The following TARBP2 variants were observed in gnomAD, a reference collection of about 807,000 sequenced individuals.
TARBP2 encodes the protein RISC-loading complex subunit TARBP2.
Under a neutral mutation model 40.4 loss-of-function variants are expected in TARBP2, and 23 were observed. The ratio of observed to expected loss-of-function variants is 0.57; its 90% CI spans 0.41 to 0.81. TARBP2 has a LOEUF of 0.81. TARBP2 is among the 30% of genes least tolerant of loss of function. The pLI is 0.00. For missense variants in TARBP2, 358 were observed against 473.7 expected (o/e 0.76, Z 2.27); for synonymous variants, 183 against 190.5 (o/e 0.96, Z 0.32).
At position 53,502,038 on chromosome 12, in the gene TARBP2, A is replaced by G; in HGVS notation, c.77A>G (p.Asn26Ser). The change falls in exon 2 of 9, where the codon AAC (asparagine) becomes AGC (serine). Residue 26 changes from asparagine to serine, a missense_variant. By Grantham distance (46) the Asn-to-Ser change is conservative. Transcript: ENST00000266987. ...LPSIEQMLAA[N>S]PGKTPISLLQ... ...AGTATAGAGCAAATGCTGGCCGCCA[A>G]CCCAGGCAAGACCCCGATCAGCCTT... 1 of 1,614,184 alleles carries G rather than the reference A, an allele frequency of 6.2e-7. No individual in the cohort carries two copies. Among genetic ancestry groups the G allele is most frequent in the African/African-American group, 1.3e-5 (1 of 75,042 alleles).
Position 53,505,960 on chromosome 12 carries a change from C to G in TARBP2, c.944-31C>G. On this transcript the variant is annotated intron_variant, in intron 8 of 8. Transcript: ENST00000266987. This position sits in a 1 kb window ranked among gnomAD's most constrained non-coding sequence, Gnocchi z 4.5. ...CCCTCCCCAGGGCTACCTCCCCCAA[C>G]ATTGCCTCCCTCCTCTCTCTTGCTC... 1 of 1,607,520 alleles carries G rather than the reference C, an allele frequency of 6.2e-7. No homozygotes were observed. The highest frequency in any genetic ancestry group is 1.7e-5 in the Admixed American group (1 of 59,868).
chr12:53,501,392 C>G lies in TARBP2; in HGVS notation c.-17C>G. On this transcript the variant is annotated 5_prime_UTR_variant, in exon 1 of 9. Transcript: ENST00000266987. The stretch of plus-strand genomic sequence containing the variant: ...GAGGCTGCAGTCACGGTGGCGCCCG[C>G]GGGGACGGAGGAGGGAATGAGTGAA... 6.4e-7 allele frequency: 1 copy of G among 1,558,650 alleles called. No individual in the cohort carries two copies. The highest frequency in any genetic ancestry group is 8.7e-7 in the Non-Finnish European group (1 of 1,151,202).
rs749572733 is a variant in TARBP2, at chr12:53,501,428, G to T, written c.20G>T (p.Gly7Val). 1.9e-6 allele frequency: 3 copies of T among 1,568,398 alleles called. No homozygotes were observed. The highest frequency in any genetic ancestry group is 2.6e-6 in the Non-Finnish European group (3 of 1,156,558). MSEEEQ[G>V]SGTTTGCGLP... ...GAGGGAATGAGTGAAGAGGAGCAAG[G>T]CTCCGGCACTACCACGGGCTGCGGG... is the stretch of plus-strand genomic sequence containing the variant. The change falls in exon 1 of 9, where the codon GGC becomes GTC. Residue 7 changes from glycine (G) to valine (V), a missense_variant. By Grantham distance (109) the Gly-to-Val change is moderately radical. Around this residue, in one of 3 missense-constraint regions of TARBP2, gnomAD observed 32 missense variants for 21.6 expected, o/e 1.48. Coordinates refer to ENST00000266987, the MANE Select transcript of TARBP2 (RefSeq NM_134323.2).
At chr12:53,503,899 G>C in intron 4 of TARBP2, 91 bp downstream of exon 4, 1 of 914,944 alleles carries the variant, frequency 1.1e-6, no homozygotes, top group African/African-American at 1.6e-5. Flanking sequence ...GGTCAGGCAT[G>C]AGGAAGTCTG....
upstream of TARBP2, chr12:53,501,002 G>GT (rs1943675339): frequency 4.6e-6 from 1 of 217,128 alleles, no homozygotes; most frequent in Admixed American, 5.5e-5. Context: ...CCGTGCCCAA[G>GT]TGAGTCCTTA....
At position 53,502,727 on chromosome 12, in the gene TARBP2, A is replaced by G. The variant is rs200641446; in HGVS notation, c.224-300A>G. On this transcript the variant is annotated intron_variant, in intron 2 of 8. Coordinates refer to ENST00000266987, the MANE Select transcript of TARBP2 (RefSeq NM_134323.2). ...ACCCTCTCTTATTCCAGCTCTCTGTATTTATTGAGGGAAAAGAAAGTGCTT... is the reference window on the plus strand; with the variant it reads ...ACCCTCTCTTATTCCAGCTCTCTGTGTTTATTGAGGGAAAAGAAAGTGCTT... 5 of 254,234 alleles carry G rather than the reference A, an allele frequency of 2.0e-5. No individual in the cohort carries two copies. The East Asian group carries it at 2.6e-4, about 13-fold the overall frequency. 15.7% of individuals were successfully genotyped at this position (254,234 alleles called of 1,614,324 possible).
In TARBP2 at chr12:53,505,885, G is replaced by A; in HGVS notation, c.943+35G>A. On this transcript the variant is annotated intron_variant, in intron 8 of 8. Coordinates refer to ENST00000266987, the MANE Select transcript of TARBP2 (RefSeq NM_134323.2). The surrounding 1 kb of genome is among the most constrained non-coding windows in gnomAD (Gnocchi z 4.5). ...GCTGGGGAGCGAGCCAGGGGATGGTGGGGGCTGGACCGGAGCAAGTAGAAG... is the reference window on the plus strand; with the variant it reads ...GCTGGGGAGCGAGCCAGGGGATGGTAGGGGCTGGACCGGAGCAAGTAGAAG... 1 of 1,609,842 alleles carries A rather than the reference G, an allele frequency of 6.2e-7. No individual in the cohort carries two copies. Among genetic ancestry groups the A allele is most frequent in the Non-Finnish European group, 8.5e-7 (1 of 1,176,654 alleles).
At position 53,504,718 on chromosome 12, in the gene TARBP2, C is replaced by A; in HGVS notation, c.516C>A (p.Gly172=). Residue 172 remains glycine, a synonymous_variant, in exon 6 of 9, where the codon GGC becomes GGA. Coordinates refer to ENST00000266987, the MANE Select transcript of TARBP2 (RefSeq NM_134323.2). The part of the protein sequence containing the change: ...GALQELVVQK[G]WRLPEYTVTQ... ...CCAAGGAGCTGGTGGTGCAGAAAGG[C>A]TGGCGGTTGCCGGAGTACACAGTGA... The A allele has an allele frequency of 6.2e-7, 1 of 1,614,190 alleles. No individual in the cohort carries two copies. Among genetic ancestry groups the A allele is most frequent in the Non-Finnish European group, 8.5e-7 (1 of 1,180,032 alleles).
rs753470098 is a variant in TARBP2, at chr12:53,505,109, C to T, written c.614-26C>T. ...GCACTGGGTCTGTGGGGAATCATAACCCAGCAGCCCTCTCTCCACATGCAG... is the reference window on the plus strand; with the variant it reads ...GCACTGGGTCTGTGGGGAATCATAATCCAGCAGCCCTCTCTCCACATGCAG... On this transcript the variant is annotated intron_variant, in intron 6 of 8. Transcript: ENST00000266987. The surrounding 1 kb of genome is among the most constrained non-coding windows in gnomAD (Gnocchi z 4.5). 10 of 1,583,466 alleles carry T rather than the reference C, an allele frequency of 6.3e-6. No individual in the cohort carries two copies. Among genetic ancestry groups the T allele is most frequent in the African/African-American group, 1.3e-5 (1 of 74,478 alleles).
rs1943934924 is a variant in TARBP2 at position 53,505,521 on chromosome 12, G to A, written c.742-128G>A. 8.9e-7 allele frequency: 1 copy of A among 1,125,648 alleles called. No homozygotes were observed. The highest frequency in any genetic ancestry group is 1.3e-6 in the Non-Finnish European group (1 of 770,372). The allele number at this position is 1,125,648 out of a possible 1,614,324, so 69.7% of individuals were successfully genotyped here. A position where few individuals can be genotyped will look rare whatever the true frequency, so the allele number is the denominator to read the frequency against. Reference sequence around the variant, plus strand: ...TGGTAGTTAGAAGGGGCCACCCAGGGATTGACTGGGGGGAGGCAAGCTGGA... The same window carrying A: ...TGGTAGTTAGAAGGGGCCACCCAGGAATTGACTGGGGGGAGGCAAGCTGGA... On this transcript the variant is annotated intron_variant, in intron 7 of 8. Transcript: ENST00000266987. The surrounding 1 kb of genome is among the most constrained non-coding windows in gnomAD (Gnocchi z 4.5).
In TARBP2 at chr12:53,505,851, G is replaced by A; in HGVS notation, c.943+1G>A. 6.2e-7 allele frequency: 1 copy of A among 1,613,572 alleles called. No individual in the cohort carries two copies. Among genetic ancestry groups the A allele is most frequent in the Non-Finnish European group, 8.5e-7 (1 of 1,179,622 alleles). On this transcript the variant is annotated splice_donor_variant, in intron 8 of 8. Coordinates refer to ENST00000266987, the MANE Select transcript of TARBP2 (RefSeq NM_134323.2). LOFTEE classifies it high-confidence loss of function. The surrounding 1 kb of genome is among the most constrained non-coding windows in gnomAD (Gnocchi z 4.5). The stretch of plus-strand genomic sequence containing the variant: ...TTTCACGTCAGCTACCTGGATATTG[G>A]TATGGCTAGCTGGGGAGCGAGCCAG...
At chr12:53,503,219 C>G in intron 3 of TARBP2, 90 bp downstream of exon 3, 1 of 1,446,042 alleles carries the variant, frequency 6.9e-7, no homozygotes, top group Non-Finnish European at 9.1e-7. Context: ...CCAGGTGACA[C>G]TTAGCCACCC....
chr12:53,503,159 C>T (rs1018954316), intron 3 of TARBP2, 30 bp downstream of exon 3: 16 of 1,529,192 alleles, frequency 1.0e-5, no homozygotes, highest in Non-Finnish European at 8.8e-7. Flanking sequence ...ATCCCAGAAG[C>T]CCTTCAAGGA....
At position 53,505,604 on chromosome 12, in the gene TARBP2, CCA is replaced by C; in HGVS notation, c.742-42_742-41del. 1 of 1,565,912 alleles carries C rather than the reference CCA, an allele frequency of 6.4e-7. No individual in the cohort carries two copies. Among genetic ancestry groups the C allele is most frequent in the Non-Finnish European group, 8.8e-7 (1 of 1,137,264 alleles). Reference sequence around the variant, plus strand: ...CGTTGAATGTCTCAATGCCTGGGTCCCACAGTCTCTCGCTTCATCTTTCTCAC... The same window carrying C: ...CGTTGAATGTCTCAATGCCTGGGTCCCAGTCTCTCGCTTCATCTTTCTCAC... On this transcript the variant is annotated intron_variant, in intron 7 of 8. Transcript: ENST00000266987. The surrounding 1 kb of genome is among the most constrained non-coding windows in gnomAD (Gnocchi z 4.5).
intron 4 of TARBP2, 37 bp from the exon 5 acceptor site, chr12:53,504,360 C>CGGG: frequency 2.0e-6 from 3 of 1,519,144 alleles, no homozygotes; most frequent in Non-Finnish European, 2.6e-6. Context: ...AGATGGAACC[C>CGGG]TTCACCTCAA....
At chr12:53,501,822 C>A in intron 1 of TARBP2, 193 bp from the exon 2 acceptor site, 1 of 1,318,694 alleles carries the variant, frequency 7.6e-7, no homozygotes, top group East Asian at 2.5e-5. Context: ...ATTCTTCCCC[C>A]CTTGCTTTGG....
chr12:53,501,652 C>A, intron 1 of TARBP2, 191 bp downstream of exon 1: 1 of 1,446,208 alleles, frequency 6.9e-7, no homozygotes, highest in South Asian at 1.5e-5. Context: ...GGGGTTGGCC[C>A]GGTTCCCAGA....
Position 53,505,623 on chromosome 12 carries a change from CT to C in TARBP2, c.742-23del. Reference sequence around the variant, plus strand: ...TGGGTCCCACAGTCTCTCGCTTCATCTTTCTCACTGTTCCCATCTTGACAGG... The same window carrying C: ...TGGGTCCCACAGTCTCTCGCTTCATCTTCTCACTGTTCCCATCTTGACAGG... On this transcript the variant is annotated intron_variant, in intron 7 of 8. Coordinates refer to ENST00000266987, the MANE Select transcript of TARBP2 (RefSeq NM_134323.2). This position sits in a 1 kb window ranked among gnomAD's most constrained non-coding sequence, Gnocchi z 4.5. 1.2e-6 allele frequency: 2 copies of C among 1,606,836 alleles called. No individual in the cohort carries two copies. The highest frequency in any genetic ancestry group is 1.7e-6 in the Non-Finnish European group (2 of 1,173,528).
At position 53,505,583 on chromosome 12, in the gene TARBP2, G is replaced by C; in HGVS notation, c.742-66G>C. The C allele has an allele frequency of 6.7e-7, 1 of 1,482,902 alleles. No homozygotes were observed. Among genetic ancestry groups the C allele is most frequent in the Non-Finnish European group, 9.4e-7 (1 of 1,065,080 alleles). 91.9% of individuals were successfully genotyped at this position (1,482,902 alleles called of 1,614,324 possible). Reference sequence around the variant, plus strand: ...TTGTGCTTTGTTCTCCTTTGACGTTGAATGTCTCAATGCCTGGGTCCCACA... The same window carrying C: ...TTGTGCTTTGTTCTCCTTTGACGTTCAATGTCTCAATGCCTGGGTCCCACA... On this transcript the variant is annotated intron_variant, in intron 7 of 8. Coordinates refer to ENST00000266987, the MANE Select transcript of TARBP2 (RefSeq NM_134323.2). This position sits in a 1 kb window ranked among gnomAD's most constrained non-coding sequence, Gnocchi z 4.5.
Sources: gnomAD v4.1 joint callset for allele counts on GRCh38, gnomAD v4.1.1 for gene constraint, gnomAD v4.1.1 regional missense constraint, Gnocchi (gnomAD v3.1) non-coding constraint, MANE v1.5 for transcripts, NCBI Gene and HGNC (gene_info 2026-07-23, HGNC 2026-07-21) for gene names.